The following HAUS5 variants were observed in gnomAD, a reference collection of about 807,000 sequenced individuals.
The protein encoded by HAUS5 is HAUS augmin like complex subunit 5.
A neutral mutation model predicts 94.1 loss-of-function variants in HAUS5; 67 were observed. That is an observed-to-expected ratio of 0.71 (90% CI 0.58 to 0.87). The LOEUF is 0.87. Ranked by LOEUF, HAUS5 falls within the 40% of genes least tolerant of loss-of-function variation. The pLI is 0.00. For missense variants in HAUS5, 739 were observed against 825.6 expected (o/e 0.90, Z 1.29); for synonymous variants, 339 against 355.4 (o/e 0.95, Z 0.52).
At position 35,622,903 on chromosome 19, in the gene HAUS5, C is replaced by G; in HGVS notation, c.1812C>G (p.Leu604=). 1 of 1,614,058 alleles carries G rather than the reference C, an allele frequency of 6.2e-7. No homozygotes were observed. Among genetic ancestry groups the G allele is most frequent in the Non-Finnish European group, 8.5e-7 (1 of 1,179,978 alleles). Residue 604 remains leucine, a synonymous_variant, in exon 19 of 19, where the codon CTC becomes CTG. Transcript: ENST00000203166. ...GGGAGCAGCCAGGCCAGGCCGCCCT[C>G]TCTGAGGAGCTCTGCCAGGGCCTGT... ...DWWEQPGQAA[L]SEELCQGLSL...
At chr19:35,616,788 G>A (rs543631618) in intron 6 of HAUS5, among the ~76,000 whole-genome samples, 162 of 152,286 alleles carry the variant, frequency 1.1e-3, no homozygotes, top group Non-Finnish European at 1.5e-3. Context: ...AAAGCGCTGG[G>A]GTACAGGCAT....
At position 35,619,481 on chromosome 19, in the gene HAUS5, C is replaced by G; in HGVS notation, c.1237C>G (p.Arg413Gly). ...LIKGNSASKT[R>G]LCRSPGEVLA... is the part of the protein sequence containing the mutation. ...CAAGGGAAACTCGGCCAGCAAGACC[C>G]GCCTGTGCCGGAGCCCGGGGGAGGT... Residue 413 changes from arginine (R) to glycine (G), a missense_variant, in exon 14 of 19, where the codon CGC becomes GGC. Coordinates refer to ENST00000203166, the MANE Select transcript of HAUS5 (RefSeq NM_015302.2). 2 of 1,610,006 alleles carry G rather than the reference C, an allele frequency of 1.2e-6. No homozygotes were observed. The highest frequency in any genetic ancestry group is 1.3e-5 in the African/African-American group (1 of 74,968).
chr19:35,617,241 C>T, intron 7 of HAUS5, 46 bp from the exon 8 acceptor site: 2 of 1,606,520 alleles, frequency 1.2e-6, no homozygotes, highest in Non-Finnish European at 1.7e-6. Context: ...TGGAGTCAGG[C>T]AGATGCTAGG....
rs780516436 is a variant in HAUS5 at position 35,623,181 on chromosome 19, A to G, written c.*188A>G. The G allele has an allele frequency of 6.8e-6, 4 of 588,788 alleles. No individual in the cohort carries two copies. Among genetic ancestry groups the G allele is most frequent in the Non-Finnish European group, 1.2e-5 (4 of 331,272 alleles). 36.5% of individuals were successfully genotyped at this position (588,788 alleles called of 1,614,324 possible). On this transcript the variant is annotated 3_prime_UTR_variant, in exon 19 of 19. Transcript: ENST00000203166. ...GGACCCTGTCCTTTCATCCCGCTAA[A>G]GCACCCCCTAAAACCCCTTCATCAC...
chr19:35,618,600 C>T lies in HAUS5; in HGVS notation c.917C>T (p.Ser306Phe), dbSNP rs1363684670. 2 of 1,605,988 alleles carry T rather than the reference C, an allele frequency of 1.2e-6. No individual in the cohort carries two copies. Among genetic ancestry groups the T allele is most frequent in the Admixed American group, 1.7e-5 (1 of 59,710 alleles). Residue 306 changes from serine (S) to phenylalanine (F), a missense_variant, in exon 12 of 19, where the codon TCC becomes TTC. Coordinates refer to ENST00000203166, the MANE Select transcript of HAUS5 (RefSeq NM_015302.2). ...EGWRTVGVLVSQRSTLLKERQ... is the reference protein window; with the variant it reads ...EGWRTVGVLVFQRSTLLKERQ... Reference sequence around the variant, plus strand: ...TGGCGGACTGTGGGTGTGCTGGTCTCCCAGCGGAGCACCCTCCTGAAGGAG... The same window carrying T: ...TGGCGGACTGTGGGTGTGCTGGTCTTCCAGCGGAGCACCCTCCTGAAGGAG...
chr19:35,614,065 A>C lies in HAUS5; in HGVS notation c.219+6A>C. 1 of 1,612,898 alleles carries C rather than the reference A, an allele frequency of 6.2e-7. No homozygotes were observed. Among genetic ancestry groups the C allele is most frequent in the Non-Finnish European group, 8.5e-7 (1 of 1,178,918 alleles). On this transcript the variant is annotated splice_donor_region_variant and intron_variant, in intron 4 of 18. Coordinates refer to ENST00000203166, the MANE Select transcript of HAUS5 (RefSeq NM_015302.2). ...GCCACCAGGACAGTCCACAGGTGAG[A>C]AGCATATGCTACAAGATTCTCTTTC...
Position 35,623,908 on chromosome 19 carries a change from T to C in HAUS5, c.*915T>C, listed in dbSNP as rs1299613533. ...AGGCCTGTGCATTTCACTGCGTGGG[T>C]TACTCAATTTATAAAGCAAAGCCCT... On this transcript the variant is annotated 3_prime_UTR_variant, in exon 19 of 19. Coordinates refer to ENST00000203166, the MANE Select transcript of HAUS5 (RefSeq NM_015302.2). 1 of 152,110 alleles carries C rather than the reference T, an allele frequency of 6.6e-6. No homozygotes were observed. The highest frequency in any genetic ancestry group is 1.5e-5 in the Non-Finnish European group (1 of 68,018). 9.4% of individuals were successfully genotyped at this position (152,110 alleles called of 1,614,324 possible).
rs1323475867 is a variant in HAUS5 at position 35,625,025 on chromosome 19, GCTC to G, written c.*2039_*2041del. ...TTCCCATGTAGTCCTTAGTGTGTCT[GCTC>G]CTCCTCTCTCTCCTCATCACAGTTC... On this transcript the variant is annotated 3_prime_UTR_variant, in exon 19 of 19. Transcript: ENST00000203166. The G allele has an allele frequency of 6.6e-6, 1 of 152,110 alleles. No homozygotes were observed. Among genetic ancestry groups the G allele is most frequent in the Admixed American group, 6.6e-5 (1 of 15,248 alleles). 9.4% of individuals were successfully genotyped at this position (152,110 alleles called of 1,614,324 possible).
intron 1 of HAUS5, 82 bp downstream of exon 1, chr19:35,612,974 C>G: frequency 2.1e-6 from 2 of 972,122 alleles, no homozygotes; most frequent in Non-Finnish European, 1.5e-6. Flanking sequence ...TCATTGAGGA[C>G]TCGACTCCCC....
At position 35,625,230 on chromosome 19, in the gene HAUS5, T is replaced by C. The variant is rs1046157111; in HGVS notation, c.*2237T>C. ...CAAATAAGTAGTGATGTAATGTCAT[T>C]GGGGACCAAGATTTTTAGTGTAAAT... On this transcript the variant is annotated 3_prime_UTR_variant, in exon 19 of 19. Coordinates refer to ENST00000203166, the MANE Select transcript of HAUS5 (RefSeq NM_015302.2). 6.6e-6 allele frequency: 1 copy of C among 152,214 alleles called. No individual in the cohort carries two copies. Among genetic ancestry groups the C allele is most frequent in the African/African-American group, 2.4e-5 (1 of 41,448 alleles). 9.4% of individuals were successfully genotyped at this position (152,214 alleles called of 1,614,324 possible).
intron 1 of HAUS5, 74 bp from the exon 2 acceptor site, chr19:35,613,656 A>AC (rs759537084): frequency 1.0e-5 from 14 of 1,380,216 alleles, no homozygotes; most frequent in Non-Finnish European, 1.4e-5. Flanking sequence ...ACTCCCTACC[A>AC]CCATCACCCT....
At position 35,619,719 on chromosome 19, in the gene HAUS5, A is replaced by G. The variant is rs751054058; in HGVS notation, c.1367A>G (p.His456Arg). The change falls in exon 15 of 19, where the codon CAC becomes CGC. Residue 456 changes from histidine to arginine, a missense_variant. By Grantham distance (29) the His-to-Arg change is conservative. Transcript: ENST00000203166. ...CLEEEVRHLP[H>R]ILLGTLLRHR... ...GAGGAGGAAGTCCGGCATTTGCCCCACATTCTGTTGGGCACGCTGCTGCGG... is the reference window on the plus strand; with the variant it reads ...GAGGAGGAAGTCCGGCATTTGCCCCGCATTCTGTTGGGCACGCTGCTGCGG... 6.4e-6 allele frequency: 10 copies of G among 1,567,924 alleles called. No individual in the cohort carries two copies. In the South Asian group the frequency reaches 1.2e-4, roughly 18 times the overall value.
chr19:35,617,093 ACC>A (rs1413683997), intron 6 of HAUS5, 29 bp from the exon 7 acceptor site: 1 of 1,591,238 alleles, frequency 6.3e-7, no homozygotes, highest in Non-Finnish European at 8.6e-7. Context: ...TCTCCCAGGG[ACC>A]CCAGCCCCAG....
Position 35,615,271 on chromosome 19 carries a change from C to A in HAUS5, c.370C>A (p.Arg124Ser), listed in dbSNP as rs760861854. 6.2e-7 allele frequency: 1 copy of A among 1,613,900 alleles called. No individual in the cohort carries two copies. Among genetic ancestry groups the A allele is most frequent in the Non-Finnish European group, 8.5e-7 (1 of 1,180,006 alleles). Residue 124 changes from arginine to serine, a missense_variant, in exon 6 of 19, where the codon CGT becomes AGT. Physicochemically the swap from Arg to Ser is moderately radical, Grantham distance 110. Coordinates refer to ENST00000203166, the MANE Select transcript of HAUS5 (RefSeq NM_015302.2). Reference sequence around the variant, plus strand: ...ACGTCAGCACACTCAAGACACCCAGCGTCGAGCTCTCCTCCTCCGGGCCCA... The same window carrying A: ...ACGTCAGCACACTCAAGACACCCAGAGTCGAGCTCTCCTCCTCCGGGCCCA... ...QARQHTQDTQ[R>S]RALLLRAQAG...
intron 17 of HAUS5, among the ~76,000 whole-genome samples, chr19:35,621,193 C>T (rs765497715): frequency 3.3e-5 from 5 of 152,180 alleles, no homozygotes; most frequent in Non-Finnish European, 7.3e-5. Context: ...CTGTTCAAGC[C>T]TCTGAGTTTG....
rs1967276529 is a variant in HAUS5 at position 35,624,602 on chromosome 19, C to T, written c.*1609C>T. On this transcript the variant is annotated 3_prime_UTR_variant, in exon 19 of 19. Transcript: ENST00000203166. The stretch of plus-strand genomic sequence containing the variant: ...CTGAATAGCTGGGATTACAGGCACC[C>T]ACCACCATATCTGGCTAATATTTGT... The T allele has an allele frequency of 1.3e-5, 2 of 152,098 alleles. No homozygotes were observed. Among genetic ancestry groups the T allele is most frequent in the African/African-American group, 2.4e-5 (1 of 41,408 alleles). 9.4% of individuals were successfully genotyped at this position (152,098 alleles called of 1,614,324 possible).
At chr19:35,617,035 C>T in intron 6 of HAUS5, 89 bp from the exon 7 acceptor site, 1 of 1,087,186 alleles carries the variant, frequency 9.2e-7, no homozygotes, top group East Asian at 2.4e-5. Flanking sequence ...AGTGATTCCT[C>T]TGACCGGCCT....
Position 35,620,339 on chromosome 19 carries a change from C to G in HAUS5, c.1651+12C>G. On this transcript the variant is annotated intron_variant, in intron 17 of 18. Transcript: ENST00000203166. ...CCTTCCCACCCAGGGTAGGTCTGCC[C>G]TGCCACCCCATCCAGCCTCCCCGCC... 1 of 1,609,946 alleles carries G rather than the reference C, an allele frequency of 6.2e-7. No individual in the cohort carries two copies.
chr19:35,622,749 G>C lies in HAUS5; in HGVS notation c.1784+16G>C. 1 of 1,613,904 alleles carries C rather than the reference G, an allele frequency of 6.2e-7. No homozygotes were observed. The highest frequency in any genetic ancestry group is 8.5e-7 in the Non-Finnish European group (1 of 1,179,824). On this transcript the variant is annotated intron_variant, in intron 18 of 18. Transcript: ENST00000203166. ...TGGGGGACTGGTGAGAGGGGAACGTGCCGCGGATGGGAAACAGAAAAGTCA... is the reference window on the plus strand; with the variant it reads ...TGGGGGACTGGTGAGAGGGGAACGTCCCGCGGATGGGAAACAGAAAAGTCA...
Sources: gnomAD v4.1 joint callset for allele counts (sites outside exome capture counted in the v4.1 genomes callset) on GRCh38, gnomAD v4.1.1 for gene constraint, MANE v1.5 for transcripts, NCBI Gene and HGNC (gene_info 2026-07-23, HGNC 2026-07-21) for gene names.